Variants in CACNA2D1 observed in about 807,000 individuals in gnomAD.
CACNA2D1 encodes voltage-dependent calcium channel subunit alpha-2/delta-1.
A neutral mutation model predicts 171.5 loss-of-function variants in CACNA2D1; 53 were observed. The observed-to-expected ratio is 0.31, with a 90% CI of 0.25 to 0.39. The LOEUF is 0.39. CACNA2D1 is among the 10% of genes least tolerant of loss of function. The pLI, the probability that CACNA2D1 is intolerant of heterozygous loss-of-function variation, is 1.00. For missense variants in CACNA2D1, 903 were observed against 1,299.8 expected, an observed-to-expected ratio of 0.69 and a Z score of 4.69; for synonymous variants, 442 against 443.1, an observed-to-expected ratio of 1.00 and a Z score of 0.03.
At chr7:82,351,955 C>T (rs1819899367) in intron 1 of CACNA2D1, among the ~76,000 whole-genome samples, 1 of 151,682 alleles carries the variant, frequency 6.6e-6, no homozygotes, top group African/African-American at 2.4e-5. Flanking sequence ...CCCTTTAGCT[C>T]GAAACTGAGA....
chr7:82,098,269 C>T (rs1812172023), intron 6 of CACNA2D1, among the ~76,000 whole-genome samples: 1 of 152,158 alleles, frequency 6.6e-6, no homozygotes. Context: ...TACACTTTAA[C>T]ATTGTTTTCA....
chr7:82,027,246 A>G (rs942321176), intron 12 of CACNA2D1, among the ~76,000 whole-genome samples: 1 of 151,684 alleles, frequency 6.6e-6, no homozygotes, highest in Non-Finnish European at 1.5e-5. Context: ...TGGGTACTCA[A>G]TTTTCCATGA....
chr7:82,274,070 C>T (rs1291201714), intron 3 of CACNA2D1, among the ~76,000 whole-genome samples: 2 of 152,118 alleles, frequency 1.3e-5, no homozygotes, highest in Non-Finnish European at 2.9e-5. Flanking sequence ...CTCGCACTTG[C>T]TCATTAAGCT....
chr7:82,170,705 T>A (rs756454134), intron 3 of CACNA2D1, 96 bp from the exon 4 acceptor site: 3 of 1,078,802 alleles, frequency 2.8e-6, no homozygotes, highest in Middle Eastern at 2.0e-4. Flanking sequence ...TTTGAGGACA[T>A]AAAAAGCAGA....
At chr7:82,001,911 T>C (rs145519502) in intron 18 of CACNA2D1, among the ~76,000 whole-genome samples, 1 of 151,724 alleles carries the variant, frequency 6.6e-6, no homozygotes, top group South Asian at 2.1e-4. Context: ...GAATACAAAC[T>C]GTTACATTTT....
intron 38 of CACNA2D1, among the ~76,000 whole-genome samples, chr7:81,955,908 G>GGAT (rs1793214155): frequency 5.2e-5 from 1 of 19,222 alleles, no homozygotes; most frequent in Admixed American, 4.1e-4. Flanking sequence ...ATTTTGGTGG[G>GGAT]GGGGGGGGGG....
At chr7:82,342,561 C>T (rs542527564) in intron 2 of CACNA2D1, among the ~76,000 whole-genome samples, 14 of 152,104 alleles carry the variant, frequency 9.2e-5, no homozygotes, top group African/African-American at 2.4e-4. Flanking sequence ...AATACAACAC[C>T]GATACAATAA....
chr7:82,345,565 ATTAACT>A (rs1334703742), intron 2 of CACNA2D1, among the ~76,000 whole-genome samples: 2 of 152,208 alleles, frequency 1.3e-5, no homozygotes, highest in African/African-American at 4.8e-5. Flanking sequence ...TAAACATTTC[ATTAACT>A]TTAAAACATT....
chr7:82,031,146 G>A (rs184362841), intron 12 of CACNA2D1, among the ~76,000 whole-genome samples: 1 of 151,714 alleles, frequency 6.6e-6, no homozygotes, highest in Non-Finnish European at 1.5e-5. Context: ...ATCCAGAGAG[G>A]AACAGAGGAG....
At chr7:82,441,302 G>C (rs1469504589) in intron 1 of CACNA2D1, among the ~76,000 whole-genome samples, 1 of 152,046 alleles carries the variant, frequency 6.6e-6, no homozygotes, top group Non-Finnish European at 1.5e-5. Flanking sequence ...TGAAGATGCA[G>C]AAGGCTTCCA....
chr7:82,301,315 G>T (rs554261943), intron 3 of CACNA2D1, among the ~76,000 whole-genome samples: 1 of 151,948 alleles, frequency 6.6e-6, no homozygotes, highest in Non-Finnish European at 1.5e-5. Context: ...TAGTAGAGAC[G>T]GGGTTTCTCC....
rs190015794 is a variant in CACNA2D1, at chr7:82,038,319, A to G, written c.880-84T>C. ...CATAGAATTTGTGTTTGATACTCCT[A>G]AACGGTATTGCATTGCTTACTCTTT... On this transcript the variant is annotated intron_variant, in intron 10 of 38. Coordinates refer to ENST00000356860, the MANE Select transcript of CACNA2D1 (RefSeq NM_000722.4). 7.5e-6 allele frequency: 9 copies of G among 1,197,794 alleles called. No individual in the cohort carries two copies. The South Asian group carries it at 1.0e-4, about 14-fold the overall frequency. The allele number at this position is 1,197,794 out of a possible 1,614,324, so 74.2% of individuals were successfully genotyped here.
intron 3 of CACNA2D1, among the ~76,000 whole-genome samples, chr7:82,207,244 C>G (rs1212543401): frequency 6.6e-6 from 1 of 152,168 alleles, no homozygotes; most frequent in Non-Finnish European, 1.5e-5. Flanking sequence ...GCTCCCAGGT[C>G]TCAGAATGGA....
At chr7:82,378,940 T>TGTGTGC (rs1823346316) in intron 1 of CACNA2D1, among the ~76,000 whole-genome samples, 1 of 3,710 alleles carries the variant, frequency 2.7e-4, no homozygotes, top group African/African-American at 1.9e-3. Flanking sequence ...GGTTGACTCG[T>TGTGTGC]GTGTGTGTGT....
At chr7:82,026,133 A>G (rs1306451028) in intron 12 of CACNA2D1, among the ~76,000 whole-genome samples, 1 of 151,244 alleles carries the variant, frequency 6.6e-6, no homozygotes, top group Non-Finnish European at 1.5e-5. Context: ...TTTGCATGGA[A>G]TAACTTTTTT....
rs377491974 is a variant in CACNA2D1 at position 82,032,934 on chromosome 7, C to T, written c.1039-33G>A. On this transcript the variant is annotated intron_variant, in intron 11 of 38. Coordinates refer to ENST00000356860, the MANE Select transcript of CACNA2D1 (RefSeq NM_000722.4). ...AAACAAAACCAAACAAAACAATATG[C>T]GTATTATTCACAATAAAAGAGAAAA... is the stretch of plus-strand genomic sequence containing the variant. 9.1e-6 allele frequency: 10 copies of T among 1,102,838 alleles called. No individual in the cohort carries two copies. In the East Asian group the frequency reaches 1.2e-4, roughly 13 times the overall value. The allele number at this position is 1,102,838 out of a possible 1,614,324, so 68.3% of individuals were successfully genotyped here.
At chr7:82,248,023 T>C (rs976552539) in intron 3 of CACNA2D1, among the ~76,000 whole-genome samples, 3 of 152,126 alleles carry the variant, frequency 2.0e-5, no homozygotes, top group African/African-American at 7.2e-5. Context: ...CTGCCACCTA[T>C]CTACCACCTT....
At chr7:82,036,055 C>T (rs2131183050) in intron 11 of CACNA2D1, among the ~76,000 whole-genome samples, 1 of 152,196 alleles carries the variant, frequency 6.6e-6, no homozygotes, top group South Asian at 2.1e-4. Flanking sequence ...GCTATTTCTA[C>T]CCCCACATTT....
At chr7:82,387,927 A>T (rs1301792716) in intron 1 of CACNA2D1, among the ~76,000 whole-genome samples, 5 of 151,986 alleles carry the variant, frequency 3.3e-5, no homozygotes, top group African/African-American at 7.2e-5. Flanking sequence ...ACAAAAAATT[A>T]AAAAATTAGC....
Sources: allele counts gnomAD v4.1 joint callset (sites outside exome capture counted in the v4.1 genomes callset), GRCh38; gene constraint gnomAD v4.1.1; transcripts MANE v1.5; gene names NCBI Gene and HGNC (gene_info 2026-07-23, HGNC 2026-07-21).